The following DIP2C variants were observed in gnomAD, a reference collection of about 807,000 sequenced individuals.
The protein encoded by DIP2C is disco-interacting protein 2 homolog C.
A neutral mutation model predicts 192.4 loss-of-function variants in DIP2C; 33 were observed. That is an observed-to-expected ratio of 0.17 (90% confidence interval 0.13 to 0.23). DIP2C has a LOEUF of 0.23. Among genes scored for constraint, DIP2C ranks in the 10% least tolerant of loss-of-function variants. The pLI is 1.00. For synonymous variants in DIP2C, 979 were observed against 864.1 expected, an observed-to-expected ratio of 1.13 and a Z score of -2.33; for missense variants, 1,537 against 2,110.1, an observed-to-expected ratio of 0.73 and a Z score of 5.32.
intron 32 of DIP2C, among the ~76,000 whole-genome samples, chr10:303,651 G>T (rs921444085): frequency 6.6e-6 from 1 of 151,686 alleles, no homozygotes; most frequent in Admixed American, 6.6e-5. Context: ...AGCCTCCCTA[G>T]TAGCTGGGAT....
chr10:320,508 C>CAAAAA (rs71505870), intron 31 of DIP2C, among the ~76,000 whole-genome samples: 3 of 106,722 alleles, frequency 2.8e-5, no homozygotes, highest in Non-Finnish European at 6.1e-5. Flanking sequence ...GACTCCGTCT[C>CAAAAA]AAAAAAAAAA....
chr10:342,317 C>T (rs572067195), intron 28 of DIP2C, among the ~76,000 whole-genome samples: 1 of 152,304 alleles, frequency 6.6e-6, no homozygotes, highest in East Asian at 1.9e-4. Flanking sequence ...CGCCACCACG[C>T]CCGGCTAATT....
At chr10:507,012 C>T (rs756197296) in intron 1 of DIP2C, among the ~76,000 whole-genome samples, 10 of 150,722 alleles carry the variant, frequency 6.6e-5, no homozygotes, top group African/African-American at 2.4e-5. Flanking sequence ...CCACTGTGCA[C>T]GATAAGAGGT....
intron 2 of DIP2C, among the ~76,000 whole-genome samples, chr10:475,982 G>T (rs1020044431): frequency 6.6e-6 from 1 of 152,212 alleles, no homozygotes; most frequent in African/African-American, 2.4e-5. Flanking sequence ...GCAGCATACC[G>T]CTCTGCGCTG....
intron 1 of DIP2C, among the ~76,000 whole-genome samples, chr10:587,044 C>G (rs1188805132): frequency 2.1e-5 from 3 of 141,466 alleles, no homozygotes; most frequent in Non-Finnish European, 4.7e-5. Flanking sequence ...TGGGTCCCTG[C>G]TGACAGCGTG....
intron 28 of DIP2C, among the ~76,000 whole-genome samples, chr10:344,511 T>G (rs1958326353): frequency 6.6e-6 from 1 of 152,112 alleles, no homozygotes; most frequent in South Asian, 2.1e-4. Context: ...GTGCAGAAAT[T>G]TATCACAGAG....
In DIP2C at chr10:408,155, T is replaced by C. The variant is rs796946112; in HGVS notation, c.1149+771A>G. Among the ~76,000 whole-genome samples the C allele has an allele frequency of 2.2e-4, 33 of 152,330 alleles. 1 individual carries two copies. Among genetic ancestry groups the C allele is most frequent in the African/African-American group, 7.7e-4 (32 of 41,568 alleles). Reference sequence around the variant, plus strand: ...TAGGTAAACATCCGCCTTCATTCTCTTGCAGGTGGATGTCCAGTTTTCCCA... The same window carrying C: ...TAGGTAAACATCCGCCTTCATTCTCCTGCAGGTGGATGTCCAGTTTTCCCA... On this transcript the variant is annotated intron_variant, in intron 9 of 36. Coordinates refer to ENST00000280886, the MANE Select transcript of DIP2C (RefSeq NM_014974.3).
chr10:524,203 T>G (rs1846911862), intron 1 of DIP2C, among the ~76,000 whole-genome samples: 2 of 152,138 alleles, frequency 1.3e-5, no homozygotes, highest in Admixed American at 6.5e-5. Flanking sequence ...AGCCTGGAGC[T>G]CCAGGCAATC....
chr10:603,333 A>AAAAC (rs1852230488), intron 1 of DIP2C, among the ~76,000 whole-genome samples: 1 of 121,136 alleles, frequency 8.3e-6, no homozygotes, highest in Non-Finnish European at 1.7e-5. Context: ...AAAAAAAAAA[A>AAAAC]CCAACCATGA....
At chr10:331,852 C>T (rs1957522199) in intron 29 of DIP2C, among the ~76,000 whole-genome samples, 1 of 151,978 alleles carries the variant, frequency 6.6e-6, no homozygotes, top group Admixed American at 6.6e-5. Context: ...GTAAACTGGC[C>T]ATTTCATCTT....
intron 1 of DIP2C, among the ~76,000 whole-genome samples, chr10:681,598 G>C (rs1564338711): frequency 6.6e-6 from 1 of 151,642 alleles, no homozygotes; most frequent in East Asian, 1.9e-4. Flanking sequence ...CAGACCCTTA[G>C]TCACATGGTA....
At chr10:467,565 T>TAAAAA (rs71376835) in intron 3 of DIP2C, among the ~76,000 whole-genome samples, 3 of 130,410 alleles carry the variant, frequency 2.3e-5, no homozygotes, top group African/African-American at 2.9e-5. Flanking sequence ...TATTTAAGTG[T>TAAAAA]AAAAAAAAAA....
intron 4 of DIP2C, among the ~76,000 whole-genome samples, chr10:425,020 C>T (rs5014277): frequency 0.079 from 3,156 of 40,146 alleles, 102 homozygotes; most frequent in African/African-American, 0.11. Flanking sequence ...GTGACTAATA[C>T]GACACGGATG....
chr10:440,831 G>C (rs368665573), intron 4 of DIP2C, 40 bp downstream of exon 4: 3 of 1,590,846 alleles, frequency 1.9e-6, no homozygotes, highest in Admixed American at 1.7e-5. Flanking sequence ...TGAGGTGCCC[G>C]GCACATTCAG....
At chr10:542,636 T>TA (rs1410972003) in intron 1 of DIP2C, among the ~76,000 whole-genome samples, 6 of 152,218 alleles carry the variant, frequency 3.9e-5, no homozygotes, top group African/African-American at 1.4e-4. Context: ...CCCCTCTCTA[T>TA]ACCACAGATC....
chr10:417,140 C>G (rs1650227991), intron 6 of DIP2C, among the ~76,000 whole-genome samples: 1 of 152,124 alleles, frequency 6.6e-6, no homozygotes, highest in Admixed American at 6.5e-5. Context: ...TAATTTGGTT[C>G]AGATGAATCA....
intron 1 of DIP2C, among the ~76,000 whole-genome samples, chr10:653,651 A>G (rs368842277): frequency 1.3e-5 from 2 of 152,154 alleles, no homozygotes; most frequent in Non-Finnish European, 1.5e-5. Context: ...TCCTACTAAA[A>G]TATTCTAATT....
At chr10:508,182 A>G (rs2130751840) in intron 1 of DIP2C, among the ~76,000 whole-genome samples, 1 of 152,210 alleles carries the variant, frequency 6.6e-6, no homozygotes, top group Non-Finnish European at 1.5e-5. Context: ...CGATTCAGTC[A>G]CTTACACCCT....
chr10:495,373 CTGGGTA>C (rs1844752658), intron 1 of DIP2C, among the ~76,000 whole-genome samples: 2 of 152,176 alleles, frequency 1.3e-5, no homozygotes, highest in Non-Finnish European at 2.9e-5. Flanking sequence ...CTGCCTGAAA[CTGGGTA>C]AGAGAATGGA....
Sources: allele counts gnomAD v4.1 joint callset (sites outside exome capture counted in the v4.1 genomes callset), GRCh38; gene constraint gnomAD v4.1.1; transcripts MANE v1.5; gene names NCBI Gene and HGNC (gene_info 2026-07-23, HGNC 2026-07-21).